NAALADL2: variants seen among roughly 807,000 people sequenced by gnomAD.
The protein encoded by NAALADL2 is inactive N-acetylated-alpha-linked acidic dipeptidase-like protein 2.
In NAALADL2, 76 loss-of-function variants were observed where a neutral mutation model predicts 87.2. That is an observed-to-expected ratio of 0.87 (90% CI 0.72 to 1.05). The LOEUF (loss-of-function observed/expected upper bound fraction) is 1.05, where lower values mean the gene tolerates loss of function less well. Ranked by LOEUF, NAALADL2 falls within the 50% of genes least tolerant of loss-of-function variation. NAALADL2 has a pLI of 0.00. For synonymous variants in NAALADL2, 354 were observed against 331.0 expected (o/e 1.07, Z -0.75); for missense variants, 1,089 against 945.8 (o/e 1.15, Z -1.99).
chr3:175,413,673 G>A (rs1032497312), intron 5 of NAALADL2, among the ~76,000 whole-genome samples: 2 of 151,660 alleles, frequency 1.3e-5, no homozygotes, highest in Admixed American at 1.3e-4. Context: ...TGAGACAAAG[G>A]CAGCCTCCAG....
At chr3:175,716,357 GTGTGTGTGTATA>G (rs1741290062) in intron 11 of NAALADL2, among the ~76,000 whole-genome samples, 1 of 146,040 alleles carries the variant, frequency 6.8e-6, no homozygotes, top group Non-Finnish European at 1.5e-5. Context: ...ATATGTATAT[GTGTGTGTGTATA>G]TGTATACATA....
At chr3:174,711,351 C>T (rs997572215) in intron 2 of NAALADL2, among the ~76,000 whole-genome samples, 2 of 152,160 alleles carry the variant, frequency 1.3e-5, no homozygotes, top group African/African-American at 4.8e-5. Context: ...CCTCCACCCA[C>T]CTCCATGCAG....
chr3:175,256,725 T>G lies in NAALADL2; in HGVS notation c.939+195T>G, dbSNP rs1211531790. On this transcript the variant is annotated intron_variant, in intron 4 of 13. Transcript: ENST00000454872. ...CATTAGAACATTTTAATTTAAGATA[T>G]TTAAGAACAATATATTTATGCCCTT... The G allele has an allele frequency of 2.9e-5, 12 of 409,752 alleles. No individual in the cohort carries two copies. The Admixed American group carries it at 5.0e-4, about 17-fold the overall frequency. 25.4% of individuals were successfully genotyped at this position (409,752 alleles called of 1,614,324 possible). A position where few individuals can be genotyped will look rare whatever the true frequency, so the allele number is the denominator to read the frequency against.
intron 1 of NAALADL2, among the ~76,000 whole-genome samples, chr3:174,888,346 G>T (rs1000451050): frequency 6.6e-6 from 1 of 152,140 alleles, no homozygotes; most frequent in Non-Finnish European, 1.5e-5. Context: ...ATAATGACAT[G>T]AGTTGATTCC....
intron 1 of NAALADL2, among the ~76,000 whole-genome samples, chr3:174,870,725 TA>T (rs1727731869): frequency 6.6e-6 from 1 of 152,212 alleles, no homozygotes; most frequent in African/African-American, 2.4e-5. Context: ...AGAGCTACTT[TA>T]AAAAAATAGA....
At chr3:175,214,460 A>C (rs993110368) in intron 2 of NAALADL2, among the ~76,000 whole-genome samples, 4 of 152,194 alleles carry the variant, frequency 2.6e-5, no homozygotes, top group Non-Finnish European at 4.4e-5. Context: ...GATTAATTGC[A>C]TGTTTTGTAC....
rs140593399 is a variant in NAALADL2, at chr3:175,636,354, T to C, written c.1896+8968T>C. The stretch of plus-strand genomic sequence containing the variant: ...CCATTTGCCAAATCTGGATCTAAAA[T>C]ACTCATCAGTTATACCTTTTACCTT... On this transcript the variant is annotated intron_variant, in intron 11 of 13. Transcript: ENST00000454872. Among the ~76,000 whole-genome samples, 337 of 152,272 alleles carry C rather than the reference T, an allele frequency of 2.2e-3. 3 individuals carry two copies. Among genetic ancestry groups the C allele is most frequent in the African/African-American group, 7.6e-3 (317 of 41,552 alleles).
chr3:174,548,673 G>C (rs1174062655), intron 1 of NAALADL2, among the ~76,000 whole-genome samples: 3 of 152,030 alleles, frequency 2.0e-5, no homozygotes, highest in African/African-American at 7.2e-5. Context: ...GAATTGCTCT[G>C]TTTACTGCAC....
chr3:175,312,445 CT>C (rs796129119), intron 4 of NAALADL2, among the ~76,000 whole-genome samples: 5,383 of 142,040 alleles, frequency 0.038, 248 homozygotes, highest in African/African-American at 0.12. Flanking sequence ...AAATCCAGTT[CT>C]TTTTTTTTTT....
intron 10 of NAALADL2, among the ~76,000 whole-genome samples, chr3:175,596,507 T>A (rs1300986551): frequency 6.6e-6 from 1 of 151,954 alleles, no homozygotes; most frequent in Non-Finnish European, 1.5e-5. Context: ...CTCTTTACCA[T>A]ATGAAGAATT....
chr3:174,903,526 G>A (rs891786497), intron 1 of NAALADL2, among the ~76,000 whole-genome samples: 1 of 151,864 alleles, frequency 6.6e-6, no homozygotes, highest in Non-Finnish European at 1.5e-5. Context: ...CATTCTAAAG[G>A]TTTTGACTTA....
intron 1 of NAALADL2, among the ~76,000 whole-genome samples, chr3:175,011,314 GA>G (rs1749791014): frequency 1.3e-5 from 2 of 149,450 alleles, no homozygotes; most frequent in South Asian, 4.2e-4. Flanking sequence ...GAGAGAGAGA[GA>G]GAGAGACTAA....
Position 175,005,649 on chromosome 3 carries a change from T to C in NAALADL2, c.44-91141T>C, listed in dbSNP as rs142218693. Among the ~76,000 whole-genome samples the C allele has an allele frequency of 1.6e-3, 238 of 152,318 alleles. 1 individual carries two copies. Among genetic ancestry groups the C allele is most frequent in the Middle Eastern group, 3.4e-3 (1 of 294 alleles). ...AACTCTCTTCCAAAACACTCCTATA[T>C]TATGAAATGTGACTGAATGTTGAGT... On this transcript the variant is annotated intron_variant, in intron 1 of 13. Coordinates refer to ENST00000454872, the MANE Select transcript of NAALADL2 (RefSeq NM_207015.3).
At chr3:175,595,078 A>G (rs547298529) in intron 10 of NAALADL2, among the ~76,000 whole-genome samples, 1 of 152,176 alleles carries the variant, frequency 6.6e-6, no homozygotes, top group South Asian at 2.1e-4. Context: ...TGTCACAGCC[A>G]TTGCACGAAG....
chr3:175,675,487 A>G (rs1476915245), intron 11 of NAALADL2: 1 of 152,236 alleles, frequency 6.6e-6, no homozygotes, highest in African/African-American at 2.4e-5. Context: ...TAAAACAGAG[A>G]TAAGATCATT....
At chr3:175,128,536 CTCA>C (rs1727314554) in intron 2 of NAALADL2, among the ~76,000 whole-genome samples, 1 of 151,956 alleles carries the variant, frequency 6.6e-6, no homozygotes, top group African/African-American at 2.4e-5. Flanking sequence ...GTTCTGTATT[CTCA>C]TCATTGCAGA....
chr3:175,152,262 T>G (rs1291619145), intron 2 of NAALADL2, among the ~76,000 whole-genome samples: 1 of 152,220 alleles, frequency 6.6e-6, no homozygotes, highest in Non-Finnish European at 1.5e-5. Flanking sequence ...GTTGTGTTTC[T>G]GAGATCATAG....
chr3:174,823,574 A>G (rs1173825388), intron 3 of NAALADL2, among the ~76,000 whole-genome samples: 2 of 152,224 alleles, frequency 1.3e-5, no homozygotes, highest in African/African-American at 4.8e-5. Context: ...GTACTTCAAC[A>G]TCATCTTTAA....
intron 12 of NAALADL2, among the ~76,000 whole-genome samples, chr3:175,742,171 C>T (rs1471579829): frequency 6.6e-6 from 1 of 152,112 alleles, no homozygotes; most frequent in Non-Finnish European, 1.5e-5. Context: ...TTCTGTCTGT[C>T]CTTGTCCACA....
Sources: gnomAD v4.1 joint callset for allele counts (sites outside exome capture counted in the v4.1 genomes callset) on GRCh38, gnomAD v4.1.1 for gene constraint, MANE v1.5 for transcripts, NCBI Gene and HGNC (gene_info 2026-07-23, HGNC 2026-07-21) for gene names.